ETV1: variants seen among roughly 807,000 people sequenced by gnomAD.
ETV1 encodes the protein ETS translocation variant 1.
Under a neutral mutation model 62.3 loss-of-function variants are expected in ETV1, and 27 were observed. That is an observed-to-expected ratio of 0.43 (90% CI 0.32 to 0.60). The LOEUF (loss-of-function observed/expected upper bound fraction) is 0.60. ETV1 is among the 20% of genes least tolerant of loss of function. The probability of loss-of-function intolerance (pLI) is 0.06; values close to 1 mark genes in which losing one functional copy is unlikely to be tolerated. For missense variants in ETV1, 605 were observed against 605.8 expected (o/e 1.00, Z 0.01); for synonymous variants, 222 against 199.6 (o/e 1.11, Z -0.94).
chr7:13,950,243 C>A (rs971169371), intron 6 of ETV1, among the ~76,000 whole-genome samples: 2 of 152,122 alleles, frequency 1.3e-5, no homozygotes, highest in African/African-American at 4.8e-5. Context: ...TATGCCCCCA[C>A]CTTGCTTCCT....
chr7:13,941,386 A>G (rs983562863), intron 6 of ETV1, among the ~76,000 whole-genome samples: 3 of 152,048 alleles, frequency 2.0e-5, no homozygotes, highest in African/African-American at 7.2e-5. Flanking sequence ...AATTTTCTTT[A>G]AAATACTCTA....
At chr7:13,940,400 G>A (rs1787351951) in intron 6 of ETV1, among the ~76,000 whole-genome samples, 1 of 150,522 alleles carries the variant, frequency 6.6e-6, no homozygotes, top group Non-Finnish European at 1.5e-5. Flanking sequence ...GAAAAAAAAA[G>A]CTATATATTT....
At chr7:13,916,782 G>A (rs1003123805) in intron 9 of ETV1, among the ~76,000 whole-genome samples, 1 of 151,988 alleles carries the variant, frequency 6.6e-6, no homozygotes, top group Admixed American at 6.6e-5. Flanking sequence ...TACTTGAAAA[G>A]TTAGCTGGAT....
chr7:13,903,762 CA>C (rs534972176), intron 12 of ETV1, among the ~76,000 whole-genome samples: 16,550 of 93,146 alleles, frequency 0.18, 812 homozygotes, highest in East Asian at 0.25. Context: ...GATTCCATCT[CA>C]AAAAAAAAAA....
chr7:13,946,371 A>G (rs991593861), intron 6 of ETV1, among the ~76,000 whole-genome samples: 8 of 152,198 alleles, frequency 5.3e-5, no homozygotes, highest in African/African-American at 1.9e-4. Flanking sequence ...CTTAAGGCTG[A>G]CTAATGATCA....
intron 9 of ETV1, among the ~76,000 whole-genome samples, chr7:13,917,266 A>G (rs1028074921): frequency 6.6e-5 from 10 of 151,920 alleles, no homozygotes; most frequent in Middle Eastern, 3.2e-3. Context: ...GATAGAAAAC[A>G]TAGACACAAC....
intron 13 of ETV1, 132 bp downstream of exon 13, chr7:13,900,606 C>G (rs890953977): frequency 1.6e-6 from 1 of 629,862 alleles, no homozygotes. Context: ...ATACCAAAAC[C>G]AAGAGCTAAG....
chr7:13,947,015 T>C (rs1281736848), intron 6 of ETV1, among the ~76,000 whole-genome samples: 1 of 152,090 alleles, frequency 6.6e-6, no homozygotes. Context: ...GGTCTCAAAC[T>C]CCAGACCGCC....
chr7:13,981,534 T>TACATACATACATAC (rs1447504131), intron 5 of ETV1, among the ~76,000 whole-genome samples: 1 of 133,952 alleles, frequency 7.5e-6, no homozygotes, highest in African/African-American at 2.8e-5. Context: ...CATACATACA[T>TACATACATACATAC]ATATATATAT....
chr7:13,975,218 C>T (rs943911354), intron 6 of ETV1: 5 of 152,356 alleles, frequency 3.3e-5, no homozygotes, highest in Admixed American at 2.6e-4. Context: ...GTAGTCATTT[C>T]CATCACAGAA....
chr7:13,935,397 G>T (rs1786686594), intron 8 of ETV1, among the ~76,000 whole-genome samples: 1 of 152,140 alleles, frequency 6.6e-6, no homozygotes, highest in Non-Finnish European at 1.5e-5. Flanking sequence ...AAAATGGGAT[G>T]ATCTGATTTA....
At chr7:13,942,499 C>A (rs1462253270) in intron 6 of ETV1, among the ~76,000 whole-genome samples, 5 of 152,060 alleles carry the variant, frequency 3.3e-5, no homozygotes, top group African/African-American at 1.2e-4. Context: ...CAGATTATTT[C>A]ATCACCCAGA....
intron 8 of ETV1, among the ~76,000 whole-genome samples, chr7:13,932,040 ACACC>A (rs1223802663): frequency 4.4e-5 from 5 of 113,546 alleles, no homozygotes; most frequent in Admixed American, 1.7e-4. Context: ...AGGATTTTAC[ACACC>A]CACACACACA....
At chr7:13,974,339 G>A (rs962620174) in intron 6 of ETV1, among the ~76,000 whole-genome samples, 6 of 152,170 alleles carry the variant, frequency 3.9e-5, no homozygotes, top group Non-Finnish European at 5.9e-5. Flanking sequence ...GAAAAGTCAG[G>A]GCACTGGAGT....
At chr7:13,923,081 A>AT (rs1231869772) in intron 9 of ETV1, among the ~76,000 whole-genome samples, 14 of 152,206 alleles carry the variant, frequency 9.2e-5, no homozygotes, top group Non-Finnish European at 1.8e-4. Context: ...GAATGTTGTT[A>AT]TTTTTTTCTT....
chr7:13,976,340 C>T (rs1781449352), intron 6 of ETV1, among the ~76,000 whole-genome samples: 1 of 152,144 alleles, frequency 6.6e-6, no homozygotes, highest in South Asian at 2.1e-4. Context: ...GAACTACAAA[C>T]TTAAAAATAG....
intron 9 of ETV1, among the ~76,000 whole-genome samples, chr7:13,915,958 G>T (rs28703937): frequency 6.6e-6 from 1 of 151,940 alleles, no homozygotes; most frequent in Non-Finnish European, 1.5e-5. Context: ...TGATGTGAAT[G>T]TAACATCTTA....
In ETV1 at chr7:13,931,601, C is replaced by A; in HGVS notation, c.703G>T (p.Val235Leu). 6.2e-7 allele frequency: 1 copy of A among 1,614,056 alleles called. No homozygotes were observed. The highest frequency in any genetic ancestry group is 8.5e-7 in the Non-Finnish European group (1 of 1,179,904). The part of the protein sequence containing the change: ...QGFKQEYHDP[V>L]YEHNTMVGSA... ...CCAACCATGGTGTTGTGTTCATACA[C>A]TGGGTCGTGGTACTCCTGCTTAAAG... Residue 235 changes from valine to leucine, a missense_variant, in exon 9 of 14, where the codon GTG becomes TTG. This residue lies in a region of ETV1 where 426 missense variants were observed against 377.8 expected (regional missense o/e 1.13). Transcript: ENST00000430479.
At chr7:13,978,606 C>T (rs973300005) in intron 5 of ETV1, among the ~76,000 whole-genome samples, 2 of 151,994 alleles carry the variant, frequency 1.3e-5, no homozygotes, top group East Asian at 3.9e-4. Context: ...TGAGCCTATT[C>T]TGCATGAGGA....
Sources: gnomAD v4.1 joint callset for allele counts (sites outside exome capture counted in the v4.1 genomes callset) on GRCh38, gnomAD v4.1.1 for gene constraint, gnomAD v4.1.1 regional missense constraint, MANE v1.5 for transcripts, NCBI Gene and HGNC (gene_info 2026-07-23, HGNC 2026-07-21) for gene names.